ZDHHC1: variants seen among roughly 807,000 people sequenced by gnomAD.
ZDHHC1 encodes zDHHC palmitoyltransferase 1.
ZDHHC1 carries 45 observed loss-of-function variants against 46.9 expected under a neutral mutation model. That is an observed-to-expected ratio of 0.96 (90% CI 0.76 to 1.23). The LOEUF (loss-of-function observed/expected upper bound fraction) is 1.23, where lower values mean the gene tolerates loss of function less well. Among genes scored for constraint, ZDHHC1 ranks in the 50% most tolerant of loss-of-function variants. ZDHHC1 has a pLI of 0.00. For synonymous variants in ZDHHC1, 291 were observed against 286.0 expected (o/e 1.02, Z -0.18); for missense variants, 649 against 670.8 (o/e 0.97, Z 0.36).
rs1287583544 is a variant in ZDHHC1, at chr16:67,406,807, G to A, written c.10-365C>T. Among the ~76,000 whole-genome samples, 1 of 152,198 alleles carries A rather than the reference G, an allele frequency of 6.6e-6. No homozygotes were observed. Among genetic ancestry groups the A allele is most frequent in the Non-Finnish European group, 1.5e-5 (1 of 68,038 alleles). ...AATATCAGGCTGGGGCCAGAGTGAT[G>A]AGAACACATGCTGATTCTGTTAGGA... On this transcript the variant is annotated intron_variant, in intron 2 of 11. Coordinates refer to ENST00000565726, the MANE Select transcript of ZDHHC1 (RefSeq NM_001323627.2). This position sits in a 1 kb window ranked among gnomAD's most constrained non-coding sequence, Gnocchi z 4.1.
At chr16:67,405,741 G>A (rs1007196151) in intron 3 of ZDHHC1, among the ~76,000 whole-genome samples, 1 of 152,156 alleles carries the variant, frequency 6.6e-6, no homozygotes, top group African/African-American at 2.4e-5. Context: ...GGCACAGTCT[G>A]TCCATGAATA....
In ZDHHC1 at chr16:67,406,404, A is replaced by C; in HGVS notation, c.48T>G (p.Pro16=). 1 of 1,568,948 alleles carries C rather than the reference A, an allele frequency of 6.4e-7. No homozygotes were observed. The highest frequency in any genetic ancestry group is 8.6e-7 in the Non-Finnish European group (1 of 1,156,608). ...CCGGTGCCGTCCACACACTCTTCTC[A>C]GGGGCCGTCTTGTTGGAGGGCTTGT... ...ICNKPSNKTA[P]EKSVWTAPAQ... Residue 16 remains proline, a synonymous_variant, in exon 3 of 12, where the codon CCT becomes CCG. Coordinates refer to ENST00000565726, the MANE Select transcript of ZDHHC1 (RefSeq NM_001323627.2). The surrounding 1 kb of genome is among the most constrained non-coding windows in gnomAD (Gnocchi z 4.1).
At chr16:67,413,938 CAAAAAA>C (rs974752448) in intron 1 of ZDHHC1, among the ~76,000 whole-genome samples, 4 of 61,946 alleles carry the variant, frequency 6.5e-5, no homozygotes, top group Admixed American at 1.7e-4. Flanking sequence ...GACTCCGTCT[CAAAAAA>C]AAAAAAAAAA....
chr16:67,396,579 G>GCTGC (rs1282368980), intron 8 of ZDHHC1, among the ~76,000 whole-genome samples: 1 of 152,176 alleles, frequency 6.6e-6, no homozygotes, highest in Non-Finnish European at 1.5e-5. Flanking sequence ...GGGGTGGGTG[G>GCTGC]CTGCCTGCAG....
intron 3 of ZDHHC1, among the ~76,000 whole-genome samples, chr16:67,405,719 TA>T (rs1567520401): frequency 1.3e-5 from 2 of 152,194 alleles, no homozygotes; most frequent in African/African-American, 4.8e-5. Flanking sequence ...AATGTGCCCA[TA>T]AACAGTCCTG....
Position 67,401,789 on chromosome 16 carries a change from G to A in ZDHHC1, c.253-657C>T, listed in dbSNP as rs1306885729. 6.6e-6 allele frequency among the ~76,000 whole-genome samples: 1 copy of A among 152,182 alleles called. No homozygotes were observed. The highest frequency in any genetic ancestry group is 2.4e-5 in the African/African-American group (1 of 41,436). Reference sequence around the variant, plus strand: ...TCTGAAGCTGAAACAGCTCTTCCAGGATCTAACTGCTCAATGACTGGGCCA... The same window carrying A: ...TCTGAAGCTGAAACAGCTCTTCCAGAATCTAACTGCTCAATGACTGGGCCA... On this transcript the variant is annotated intron_variant, in intron 3 of 11. Coordinates refer to ENST00000565726, the MANE Select transcript of ZDHHC1 (RefSeq NM_001323627.2). This position sits in a 1 kb window ranked among gnomAD's most constrained non-coding sequence, Gnocchi z 4.6.
intron 3 of ZDHHC1, among the ~76,000 whole-genome samples, chr16:67,403,603 C>CTTTTGTT (rs994685929): frequency 1.3e-5 from 2 of 151,292 alleles, no homozygotes; most frequent in Non-Finnish European, 2.9e-5. Flanking sequence ...AGCCTCATTT[C>CTTTTGTT]TTTTGTTTTT....
In ZDHHC1 at chr16:67,394,838, G is replaced by A. The variant is rs1258719040; in HGVS notation, c.1221C>T (p.Ser407=). 6.5e-7 allele frequency: 1 copy of A among 1,549,728 alleles called. No individual in the cohort carries two copies. Among genetic ancestry groups the A allele is most frequent in the Admixed American group, 1.9e-5 (1 of 51,706 alleles). ...CGGCAGGGCCAGCGGCGTGCACAGGGCTGGCGTCCGCGGAATCCGTCGACG... is the reference window on the plus strand; with the variant it reads ...CGGCAGGGCCAGCGGCGTGCACAGGACTGGCGTCCGCGGAATCCGTCGACG... ...SSSSTDSADA[S]PVHAAGPAGA... The change falls in exon 12 of 12, where the codon AGC becomes AGT. Residue 407 remains serine (S), a synonymous_variant. Transcript: ENST00000565726.
At chr16:67,414,647 C>A (rs1226848228) in intron 1 of ZDHHC1, among the ~76,000 whole-genome samples, 1 of 152,208 alleles carries the variant, frequency 6.6e-6, no homozygotes, top group African/African-American at 2.4e-5. Context: ...TTGTAGATCC[C>A]TGTAGTCACT....
At chr16:67,399,560 G>A in intron 4 of ZDHHC1, 104 bp from the exon 5 acceptor site, 1 of 917,402 alleles carries the variant, frequency 1.1e-6, no homozygotes, top group Non-Finnish European at 1.6e-6. Context: ...CCAAGCGCCA[G>A]GCCTGAGACA....
Position 67,399,335 on chromosome 16 carries a change from T to A in ZDHHC1, c.530+20A>T. ...CAGACAGTGCATCCCCAGGCCCGCG[T>A]GCGGCCGGGCTGTCCTCACCGGTAG... On this transcript the variant is annotated intron_variant, in intron 5 of 11. Coordinates refer to ENST00000565726, the MANE Select transcript of ZDHHC1 (RefSeq NM_001323627.2). 1 of 1,599,410 alleles carries A rather than the reference T, an allele frequency of 6.3e-7. No homozygotes were observed.
chr16:67,398,948 G>T lies in ZDHHC1; in HGVS notation c.531-4C>A. 1 of 1,612,292 alleles carries T rather than the reference G, an allele frequency of 6.2e-7. No homozygotes were observed. Among genetic ancestry groups the T allele is most frequent in the South Asian group, 1.1e-5 (1 of 90,664 alleles). ...TGCAACACTGTGTAGAAAGAGCCTG[G>T]GCCCAGCCATGGGTCGCTGTCAGCT... On this transcript the variant is annotated splice_polypyrimidine_tract_variant and splice_region_variant and intron_variant, in intron 5 of 11. Coordinates refer to ENST00000565726, the MANE Select transcript of ZDHHC1 (RefSeq NM_001323627.2).
chr16:67,406,359 G>A lies in ZDHHC1; in HGVS notation c.93C>T (p.Ser31=). The A allele has an allele frequency of 6.3e-7, 1 of 1,586,130 alleles. No individual in the cohort carries two copies. The highest frequency in any genetic ancestry group is 8.6e-7 in the Non-Finnish European group (1 of 1,166,156). The change falls in exon 3 of 12, where the codon TCC becomes TCT. Residue 31 remains serine, a synonymous_variant. Transcript: ENST00000565726. The surrounding 1 kb of genome is among the most constrained non-coding windows in gnomAD (Gnocchi z 4.1). The part of the protein sequence containing the change: ...WTAPAQPSGP[S]PELQGQRSRR... ...GGGATCGCTGGCCCTGCAGCTCAGG[G>A]GAGGGTCCGCTGGGCTGTGCCGGTG...
At position 67,398,530 on chromosome 16, in the gene ZDHHC1, G is replaced by A. The variant is rs1416250548; in HGVS notation, c.814+43C>T. The A allele has an allele frequency of 2.6e-6, 4 of 1,560,080 alleles. No homozygotes were observed. The African/African-American group carries it at 4.1e-5, about 16-fold the overall frequency. ...CCAACTGGGCACCTTCCTGCAATCT[G>A]AGGACCCCTGCGTTCCAGAAGGCAG... is the stretch of plus-strand genomic sequence containing the variant. On this transcript the variant is annotated intron_variant, in intron 7 of 11. Coordinates refer to ENST00000565726, the MANE Select transcript of ZDHHC1 (RefSeq NM_001323627.2).
rs1317823058 is a variant in ZDHHC1 at position 67,394,820 on chromosome 16, G to A, written c.1239C>T (p.Gly413=). The A allele has an allele frequency of 4.2e-5, 64 of 1,539,428 alleles. No individual in the cohort carries two copies. Among genetic ancestry groups the A allele is most frequent in the Non-Finnish European group, 5.3e-5 (61 of 1,147,536 alleles). The part of the protein sequence containing the change: ...SADASPVHAA[G]PAGAYHSASA... Reference sequence around the variant, plus strand: ...ACGCCGAGTGGTAGGCGCCGGCAGGGCCAGCGGCGTGCACAGGGCTGGCGT... The same window carrying A: ...ACGCCGAGTGGTAGGCGCCGGCAGGACCAGCGGCGTGCACAGGGCTGGCGT... Residue 413 remains glycine (G), a synonymous_variant, in exon 12 of 12, where the codon GGC becomes GGT. Transcript: ENST00000565726.
intron 3 of ZDHHC1, chr16:67,404,431 G>A: frequency 3.6e-6 from 1 of 278,072 alleles, no homozygotes; most frequent in African/African-American, 2.2e-5. Flanking sequence ...GCCCAAGGTG[G>A]GTACCTGGTA....
intron 1 of ZDHHC1, among the ~76,000 whole-genome samples, chr16:67,411,009 C>T (rs1182925280): frequency 6.6e-6 from 1 of 152,038 alleles, no homozygotes; most frequent in East Asian, 1.9e-4. Flanking sequence ...TGAAGGAAAT[C>T]TTAACATTTT....
rs559342411 is a variant in ZDHHC1 at position 67,395,135 on chromosome 16, T to G, written c.1104+52A>C. The G allele has an allele frequency of 9.3e-6, 15 of 1,613,186 alleles. No homozygotes were observed. In the East Asian group the frequency reaches 3.1e-4, roughly 34 times the overall value. On this transcript the variant is annotated intron_variant, in intron 10 of 11. Transcript: ENST00000565726. The stretch of plus-strand genomic sequence containing the variant: ...CAGAGGCGAGCGCCAGGGTAGAGGC[T>G]TCTTTCTATCCCACTCCACCTGGAC...
intron 1 of ZDHHC1, among the ~76,000 whole-genome samples, chr16:67,409,816 G>A (rs1397250130): frequency 6.6e-6 from 1 of 152,140 alleles, no homozygotes; most frequent in Non-Finnish European, 1.5e-5. Flanking sequence ...CCCAGCCTGC[G>A]CACTTAGGAT....
Sources: gnomAD v4.1 joint callset for allele counts (sites outside exome capture counted in the v4.1 genomes callset) on GRCh38, gnomAD v4.1.1 for gene constraint, Gnocchi (gnomAD v3.1) non-coding constraint, MANE v1.5 for transcripts, NCBI Gene and HGNC (gene_info 2026-07-23, HGNC 2026-07-21) for gene names.